The following SCAPER variants were observed in gnomAD, a reference collection of about 807,000 sequenced individuals.
The protein encoded by SCAPER is S-phase cyclin A associated protein in the ER.
SCAPER carries 98 observed loss-of-function variants against 182.2 expected under a neutral mutation model. The observed-to-expected ratio is 0.54, with a 90% confidence interval of 0.46 to 0.64. The LOEUF (loss-of-function observed/expected upper bound fraction) is 0.64, where lower values mean the gene tolerates loss of function less well. Ranked by LOEUF, SCAPER falls within the 30% of genes least tolerant of loss-of-function variation. The pLI is 0.00. For synonymous variants in SCAPER, 605 were observed against 564.6 expected, an observed-to-expected ratio of 1.07 and a Z score of -1.01; for missense variants, 1,432 against 1,690.0, an observed-to-expected ratio of 0.85 and a Z score of 2.68.
chr15:76,668,870 C>G (rs976163700), intron 20 of SCAPER, among the ~76,000 whole-genome samples: 14 of 152,126 alleles, frequency 9.2e-5, no homozygotes, highest in Non-Finnish European at 1.9e-4. Flanking sequence ...TTTTTCAGCC[C>G]TTATTACACA....
At chr15:76,682,147 T>C (rs1207616048) in intron 20 of SCAPER, among the ~76,000 whole-genome samples, 2 of 152,024 alleles carry the variant, frequency 1.3e-5, no homozygotes, top group East Asian at 3.9e-4. Context: ...CTGGGCCCTG[T>C]GGAAATGTAC....
chr15:76,506,737 C>T (rs980311897), intron 23 of SCAPER, among the ~76,000 whole-genome samples: 4 of 152,080 alleles, frequency 2.6e-5, no homozygotes, highest in Non-Finnish European at 4.4e-5. Flanking sequence ...CACAAAGATT[C>T]CCTCTACTAG....
Position 76,830,857 on chromosome 15 carries a change from A to G in SCAPER, c.393+10877T>C, listed in dbSNP as rs549726006. ...TTTGTAAAGAAGGCATTGAGAGTGG[A>G]TAGAGGGAGAAGACAGATCCTGGGG... On this transcript the variant is annotated intron_variant, in intron 5 of 31. Transcript: ENST00000563290. 5.3e-4 allele frequency among the ~76,000 whole-genome samples: 81 copies of G among 151,982 alleles called. 1 individual carries two copies. Among genetic ancestry groups the G allele is most frequent in the South Asian group, 1.9e-3 (9 of 4,798 alleles).
At chr15:76,852,682 G>A (rs2070876300) in intron 4 of SCAPER, among the ~76,000 whole-genome samples, 2 of 152,138 alleles carry the variant, frequency 1.3e-5, no homozygotes, top group Admixed American at 1.3e-4. Context: ...CTGGGATCCA[G>A]CTAAGGCAAT....
intron 25 of SCAPER, among the ~76,000 whole-genome samples, chr15:76,458,192 A>G (rs915287321): frequency 1.3e-5 from 2 of 151,958 alleles, no homozygotes; most frequent in East Asian, 3.9e-4. Flanking sequence ...ATATTCTCTC[A>G]CTATATATTC....
chr15:76,876,257 C>A (rs1200881628), intron 2 of SCAPER, among the ~76,000 whole-genome samples: 1 of 152,034 alleles, frequency 6.6e-6, no homozygotes, highest in African/African-American at 2.4e-5. Flanking sequence ...AGAGAGGGGC[C>A]CCCACAGCTC....
chr15:76,857,118 TAA>T (rs2071453010), intron 4 of SCAPER, among the ~76,000 whole-genome samples: 1 of 152,064 alleles, frequency 6.6e-6, no homozygotes, highest in East Asian at 1.9e-4. Context: ...GCAGAGGAGC[TAA>T]GAGCATAAAC....
At chr15:76,703,117 C>T in intron 18 of SCAPER, 115 bp from the exon 19 acceptor site, 1 of 1,112,366 alleles carries the variant, frequency 9.0e-7, no homozygotes, top group Non-Finnish European at 1.2e-6. Context: ...GTTTCTATGA[C>T]AACTTACACA....
chr15:76,830,928 C>T (rs2068415127), intron 5 of SCAPER, among the ~76,000 whole-genome samples: 1 of 152,076 alleles, frequency 6.6e-6, no homozygotes, highest in Admixed American at 6.6e-5. Flanking sequence ...TTGCCAAGCA[C>T]CGTGACCCAT....
intron 13 of SCAPER, 94 bp downstream of exon 13, chr15:76,765,243 G>A: frequency 1.8e-6 from 2 of 1,086,852 alleles, no homozygotes; most frequent in East Asian, 2.5e-5. Flanking sequence ...GAAGTAATGT[G>A]TCCAAAAATG....
intron 1 of SCAPER, among the ~76,000 whole-genome samples, chr15:76,890,335 A>C (rs1384576758): frequency 6.6e-6 from 1 of 152,166 alleles, no homozygotes; most frequent in Non-Finnish European, 1.5e-5. Context: ...AACTGAAGGA[A>C]ATAGAGACAC....
intron 11 of SCAPER, among the ~76,000 whole-genome samples, chr15:76,766,078 C>A (rs1301481385): frequency 1.7e-5 from 2 of 114,906 alleles, no homozygotes; most frequent in African/African-American, 3.2e-5. Flanking sequence ...GTATCATTTG[C>A]TCATTTATTT....
intron 8 of SCAPER, among the ~76,000 whole-genome samples, chr15:76,786,759 G>T (rs148403145): frequency 6.6e-6 from 1 of 152,160 alleles, no homozygotes; most frequent in East Asian, 1.9e-4. Context: ...AAATCCCAGA[G>T]AATACACATA....
At chr15:76,363,192 T>TA (rs1398504841) in intron 29 of SCAPER, among the ~76,000 whole-genome samples, 1 of 152,204 alleles carries the variant, frequency 6.6e-6, no homozygotes, top group African/African-American at 2.4e-5. Flanking sequence ...AAGCCCCCTA[T>TA]ATTCACTGCT....
chr15:76,659,145 T>TA (rs1468360004), intron 21 of SCAPER, among the ~76,000 whole-genome samples: 1 of 152,148 alleles, frequency 6.6e-6, no homozygotes, highest in Non-Finnish European at 1.5e-5. Flanking sequence ...CCAACCTACA[T>TA]ACTGGGAGAA....
intron 22 of SCAPER, among the ~76,000 whole-genome samples, chr15:76,607,681 C>T (rs1317962669): frequency 1.3e-5 from 2 of 152,226 alleles, no homozygotes; most frequent in Non-Finnish European, 2.9e-5. Flanking sequence ...GGTCTTTTCA[C>T]ATAGTCCCAT....
At chr15:76,627,488 C>G (rs2052697530) in intron 21 of SCAPER, among the ~76,000 whole-genome samples, 1 of 152,140 alleles carries the variant, frequency 6.6e-6, no homozygotes, top group Non-Finnish European at 1.5e-5. Flanking sequence ...GTTCCCCTCC[C>G]TGTGTCCATG....
intron 24 of SCAPER, among the ~76,000 whole-genome samples, chr15:76,500,307 A>G (rs1362163312): frequency 1.3e-5 from 2 of 152,254 alleles, no homozygotes; most frequent in Non-Finnish European, 1.5e-5. Context: ...GCACCTGGTT[A>G]GTTCCCCAGC....
chr15:76,543,212 AC>A (rs2044942022), intron 23 of SCAPER, among the ~76,000 whole-genome samples: 1 of 152,328 alleles, frequency 6.6e-6, no homozygotes, highest in South Asian at 2.1e-4. Flanking sequence ...ACCATTCGCA[AC>A]TATATGAATT....
Sources: allele counts gnomAD v4.1 joint callset (sites outside exome capture counted in the v4.1 genomes callset), GRCh38; gene constraint gnomAD v4.1.1; transcripts MANE v1.5; gene names NCBI Gene and HGNC (gene_info 2026-07-23, HGNC 2026-07-21).